TBC1D22A: variants seen among roughly 807,000 people sequenced by gnomAD.
TBC1D22A encodes TBC1 domain family member 22A, also known as putative GTPase activator.
In TBC1D22A, 38 loss-of-function variants were observed where a neutral mutation model predicts 60.2. That is an observed-to-expected ratio of 0.63 (90% CI 0.49 to 0.83). The LOEUF (loss-of-function observed/expected upper bound fraction) is 0.83, where lower values mean the gene tolerates loss of function less well. Ranked by LOEUF, TBC1D22A falls within the 40% of genes least tolerant of loss-of-function variation. The pLI, the probability that TBC1D22A is intolerant of heterozygous loss-of-function variation, is 0.00. For synonymous variants in TBC1D22A, 302 were observed against 281.7 expected, an observed-to-expected ratio of 1.07 and a Z score of -0.72; for missense variants, 628 against 701.0, an observed-to-expected ratio of 0.90 and a Z score of 1.18.
intron 4 of TBC1D22A, among the ~76,000 whole-genome samples, chr22:46,820,095 A>C (rs2085763552): frequency 6.6e-6 from 1 of 152,040 alleles, no homozygotes; most frequent in Admixed American, 6.6e-5. Flanking sequence ...CTCCTTTATC[A>C]CTTTTTATCG....
intron 4 of TBC1D22A, among the ~76,000 whole-genome samples, chr22:46,843,964 G>A (rs2086884317): frequency 6.6e-6 from 1 of 151,872 alleles, no homozygotes; most frequent in Admixed American, 6.6e-5. Context: ...CATTTGGGAT[G>A]GGGTCAGGAC....
chr22:46,901,372 T>A (rs1463036621), intron 7 of TBC1D22A, among the ~76,000 whole-genome samples: 2 of 152,242 alleles, frequency 1.3e-5, no homozygotes, highest in East Asian at 3.8e-4. Context: ...GATGTGATCC[T>A]TGGTGTGAAA....
chr22:46,796,981 C>T (rs2146930017), intron 3 of TBC1D22A, among the ~76,000 whole-genome samples: 1 of 152,320 alleles, frequency 6.6e-6, no homozygotes, highest in Admixed American at 6.5e-5. Flanking sequence ...CTGCTGTGTC[C>T]CCACTGTTGC....
At chr22:46,889,602 C>T (rs2068290603) in intron 5 of TBC1D22A, among the ~76,000 whole-genome samples, 1 of 152,242 alleles carries the variant, frequency 6.6e-6, no homozygotes, top group Non-Finnish European at 1.5e-5. Flanking sequence ...CCGAAATGCT[C>T]ATCGACAGGC....
intron 4 of TBC1D22A, among the ~76,000 whole-genome samples, chr22:46,799,784 T>G (rs5769165): frequency 0.56 from 85,402 of 152,086 alleles, 24,436 homozygotes; most frequent in Middle Eastern, 0.71. Flanking sequence ...GATTGATAAT[T>G]TTTGGCAGGA....
intron 11 of TBC1D22A, among the ~76,000 whole-genome samples, chr22:47,092,508 A>G (rs2065017112): frequency 6.6e-6 from 1 of 152,144 alleles, no homozygotes; most frequent in Non-Finnish European, 1.5e-5. Context: ...GGCACCTTGC[A>G]TGCATGCCCT....
intron 11 of TBC1D22A, among the ~76,000 whole-genome samples, chr22:47,075,562 C>T (rs2064172027): frequency 6.6e-6 from 1 of 151,980 alleles, no homozygotes; most frequent in Non-Finnish European, 1.5e-5. Context: ...ATATAATATA[C>T]AACTTCTAAA....
chr22:46,794,165 G>A (rs773758055), intron 3 of TBC1D22A, among the ~76,000 whole-genome samples: 2 of 152,222 alleles, frequency 1.3e-5, no homozygotes, highest in Non-Finnish European at 2.9e-5. Flanking sequence ...AGAGGGCCAC[G>A]GGGGAGCAAG....
chr22:46,915,745 C>G, intron 8 of TBC1D22A: 1 of 456,644 alleles, frequency 2.2e-6, no homozygotes, highest in Middle Eastern at 3.3e-4. Flanking sequence ...GATGTGTGTT[C>G]GCCATGTGTC....
chr22:46,780,803 A>G (rs774828977), intron 1 of TBC1D22A, among the ~76,000 whole-genome samples: 44 of 152,216 alleles, frequency 2.9e-4, no homozygotes, highest in Non-Finnish European at 6.0e-4. Flanking sequence ...GGAGAAACAT[A>G]ACGCAGCGTA....
intron 12 of TBC1D22A, among the ~76,000 whole-genome samples, chr22:47,142,086 C>T (rs1343525060): frequency 1.3e-5 from 2 of 152,150 alleles, no homozygotes; most frequent in Non-Finnish European, 2.9e-5. Context: ...TTGCCAAGGT[C>T]AGCTCCTCAT....
chr22:47,147,192 G>T (rs2067314729), intron 12 of TBC1D22A, among the ~76,000 whole-genome samples: 1 of 152,256 alleles, frequency 6.6e-6, no homozygotes, highest in African/African-American at 2.4e-5. Flanking sequence ...ACAAGGGAGG[G>T]CTCCGCCACC....
At chr22:46,955,969 A>T (rs2073165821) in intron 8 of TBC1D22A, among the ~76,000 whole-genome samples, 1 of 152,224 alleles carries the variant, frequency 6.6e-6, no homozygotes, top group Non-Finnish European at 1.5e-5. Flanking sequence ...AGGAAGTTTA[A>T]AGCCATTGGG....
intron 10 of TBC1D22A, among the ~76,000 whole-genome samples, chr22:47,005,805 ACT>A (rs763842575): frequency 1.4e-4 from 21 of 150,142 alleles, no homozygotes; most frequent in Non-Finnish European, 2.2e-4. Flanking sequence ...TTATATACAC[ACT>A]CTCCATATAC....
intron 10 of TBC1D22A, among the ~76,000 whole-genome samples, chr22:47,015,510 T>C (rs2061880181): frequency 2.0e-5 from 3 of 152,242 alleles, no homozygotes; most frequent in African/African-American, 7.2e-5. Context: ...AATTTTCTAC[T>C]TGATCTTGCT....
At chr22:47,158,481 A>G (rs572546988) in intron 12 of TBC1D22A, among the ~76,000 whole-genome samples, 32 of 152,230 alleles carry the variant, frequency 2.1e-4, no homozygotes, top group South Asian at 6.2e-4. Context: ...TCCCCCCCCA[A>G]TCTGAAAAGC....
At chr22:47,115,363 C>T (rs372066678) in intron 12 of TBC1D22A, among the ~76,000 whole-genome samples, 5 of 151,338 alleles carry the variant, frequency 3.3e-5, no homozygotes, top group East Asian at 2.0e-4. Flanking sequence ...ACCCCACCCC[C>T]GGCTCCACAT....
At chr22:46,941,503 A>G (rs1246815660) in intron 8 of TBC1D22A, among the ~76,000 whole-genome samples, 2 of 145,676 alleles carry the variant, frequency 1.4e-5, no homozygotes, top group African/African-American at 5.0e-5. Context: ...TACACGGAAT[A>G]TATATACGGA....
chr22:46,764,968 T>C (rs1268377914), intron 1 of TBC1D22A, among the ~76,000 whole-genome samples: 1 of 152,226 alleles, frequency 6.6e-6, no homozygotes, highest in African/African-American at 2.4e-5. Context: ...TAATTTGTTA[T>C]GGCAGCCACA....
Sources: gnomAD v4.1 joint callset for allele counts (sites outside exome capture counted in the v4.1 genomes callset) on GRCh38, gnomAD v4.1.1 for gene constraint, MANE v1.5 for transcripts, NCBI Gene and HGNC (gene_info 2026-07-23, HGNC 2026-07-21) for gene names.